The following MED26 variants were observed in gnomAD, a reference collection of about 807,000 sequenced individuals.
MED26 encodes mediator complex subunit 26.
A neutral mutation model predicts 43.7 loss-of-function variants in MED26; 7 were observed. The ratio of observed to expected loss-of-function variants is 0.16; its 90% confidence interval spans 0.09 to 0.30. The LOEUF is 0.30. Ranked by LOEUF, MED26 falls within the 10% of genes least tolerant of loss-of-function variation. The probability of loss-of-function intolerance (pLI) is 1.00; values close to 1 mark genes in which losing one functional copy is unlikely to be tolerated. For synonymous variants in MED26, 375 were observed against 371.1 expected (o/e 1.01, Z -0.12); for missense variants, 784 against 840.6 (o/e 0.93, Z 0.83).
intron 1 of MED26, among the ~76,000 whole-genome samples, chr19:16,582,256 G>A (rs1181228126): frequency 1.3e-5 from 2 of 152,194 alleles, no homozygotes; most frequent in Non-Finnish European, 2.9e-5. Flanking sequence ...GGGCATTGAT[G>A]TCAAGCAGTC....
At chr19:16,578,187 G>T in intron 2 of MED26, 148 bp downstream of exon 2, 2 of 761,980 alleles carry the variant, frequency 2.6e-6, no homozygotes, top group African/African-American at 1.8e-5. Context: ...GAGCAAGATC[G>T]CGAGGCACGA....
rs773759813 is a variant in MED26, at chr19:16,575,989, C to T, written c.*38G>A. The stretch of plus-strand genomic sequence containing the variant: ...ACCTGCCTGCCCGCCCACCCGGCTT[C>T]TGCAAGATGGGAATGCACTTTGTGG... On this transcript the variant is annotated 3_prime_UTR_variant, in exon 3 of 3. Transcript: ENST00000263390. 29 of 1,571,468 alleles carry T rather than the reference C, an allele frequency of 1.8e-5. No homozygotes were observed. The Admixed American group carries it at 3.6e-4, about 20-fold the overall frequency.
rs2086021295 is a variant in MED26 at position 16,577,974 on chromosome 19, T to G, written c.148-292A>C. On this transcript the variant is annotated intron_variant, in intron 2 of 2. Coordinates refer to ENST00000263390, the MANE Select transcript of MED26 (RefSeq NM_004831.5). The surrounding 1 kb of genome is among the most constrained non-coding windows in gnomAD (Gnocchi z 8.1). Reference sequence around the variant, plus strand: ...ACCATCAAGGCCACTGTAAGGACACTGCCAGAGAGGCTTCCTGGGTGAGAG... The same window carrying G: ...ACCATCAAGGCCACTGTAAGGACACGGCCAGAGAGGCTTCCTGGGTGAGAG... The G allele has an allele frequency of 2.1e-6, 1 of 473,420 alleles. No homozygotes were observed. The highest frequency in any genetic ancestry group is 2.0e-5 in the African/African-American group (1 of 49,480). The allele number at this position is 473,420 out of a possible 1,614,324, so 29.3% of individuals were successfully genotyped here. A position where few individuals can be genotyped will look rare whatever the true frequency, so the allele number is the denominator to read the frequency against.
intron 1 of MED26, among the ~76,000 whole-genome samples, chr19:16,579,568 T>C (rs1304594351): frequency 6.6e-6 from 1 of 152,130 alleles, no homozygotes; most frequent in Non-Finnish European, 1.5e-5. Context: ...CATTACTGAC[T>C]CCCTTAATTG....
At chr19:16,583,354 A>C (rs1288396361) in intron 1 of MED26, among the ~76,000 whole-genome samples, 1 of 152,258 alleles carries the variant, frequency 6.6e-6, no homozygotes, top group Non-Finnish European at 1.5e-5. Flanking sequence ...ACCCCTCAAT[A>C]GATGCAGATG....
chr19:16,626,524 G>C (rs1419757607), intron 1 of MED26, among the ~76,000 whole-genome samples: 1 of 152,150 alleles, frequency 6.6e-6, no homozygotes, highest in African/African-American at 2.4e-5. Flanking sequence ...AGGGATAAGA[G>C]AAGTACTTAT....
intron 1 of MED26, among the ~76,000 whole-genome samples, chr19:16,600,169 C>G (rs866052542): frequency 2.6e-5 from 4 of 152,096 alleles, no homozygotes; most frequent in Non-Finnish European, 5.9e-5. Context: ...CTCATCCCCC[C>G]GGGCCCTCCT....
rs59398856 is a variant in MED26 at position 16,582,633 on chromosome 19, G to C, written c.73-4224C>G. 1.8e-3 allele frequency among the ~76,000 whole-genome samples: 281 copies of C among 152,276 alleles called. 1 individual carries two copies. Among genetic ancestry groups the C allele is most frequent in the African/African-American group, 6.6e-3 (276 of 41,558 alleles). ...CAGGACTCGTATGTGGCTGAGGGGA[G>C]GCTCCCGCTCTGACTCCAGGCCTGC... is the stretch of plus-strand genomic sequence containing the variant. On this transcript the variant is annotated intron_variant, in intron 1 of 2. Transcript: ENST00000263390.
intron 1 of MED26, among the ~76,000 whole-genome samples, chr19:16,581,138 G>A (rs762113856): frequency 5.9e-5 from 9 of 152,126 alleles, no homozygotes; most frequent in East Asian, 3.9e-4. Context: ...AGCAGTCCCC[G>A]CAGAACTCCC....
intron 1 of MED26, among the ~76,000 whole-genome samples, chr19:16,614,580 C>T (rs1351663031): frequency 1.3e-5 from 2 of 151,998 alleles, no homozygotes; most frequent in East Asian, 3.9e-4. Context: ...AGTGTCTGCC[C>T]AGGCCTGGAG....
In MED26 at chr19:16,595,248, G is replaced by A. The variant is rs924793198; in HGVS notation, c.73-16839C>T. Among the ~76,000 whole-genome samples, 8 of 152,240 alleles carry A rather than the reference G, an allele frequency of 5.3e-5. No homozygotes were observed. The East Asian group carries it at 9.6e-4, about 18-fold the overall frequency. On this transcript the variant is annotated intron_variant, in intron 1 of 2. Coordinates refer to ENST00000263390, the MANE Select transcript of MED26 (RefSeq NM_004831.5). ...CTCAAACCCAACTCGTGACACGTGCGCACCTCTTTCCAGCTCTGTGACTGT... is the reference window on the plus strand; with the variant it reads ...CTCAAACCCAACTCGTGACACGTGCACACCTCTTTCCAGCTCTGTGACTGT...
chr19:16,616,310 G>A (rs1250303832), intron 1 of MED26, among the ~76,000 whole-genome samples: 1 of 152,166 alleles, frequency 6.6e-6, no homozygotes, highest in African/African-American at 2.4e-5. Flanking sequence ...AAGGTGAATG[G>A]CAGAGTCAAT....
intron 1 of MED26, among the ~76,000 whole-genome samples, chr19:16,609,132 T>G (rs1431224680): frequency 6.6e-6 from 1 of 151,582 alleles, no homozygotes; most frequent in Non-Finnish European, 1.5e-5. Context: ...CTGGCCAAAA[T>G]GCAGAAACCC....
chr19:16,577,421 G>A lies in MED26; in HGVS notation c.409C>T (p.Pro137Ser), dbSNP rs763934151. 1.3e-5 allele frequency: 21 copies of A among 1,601,064 alleles called. No individual in the cohort carries two copies. The Admixed American group carries it at 3.5e-4, about 27-fold the overall frequency. The change falls in exon 3 of 3, where the codon CCC becomes TCC. Residue 137 changes from proline to serine, a missense_variant. This residue lies in a region of MED26 where 719 missense variants were observed against 730.9 expected (regional missense o/e 0.98). Transcript: ENST00000263390. This position sits in a 1 kb window ranked among gnomAD's most constrained non-coding sequence, Gnocchi z 8.1. The stretch of plus-strand genomic sequence containing the variant: ...CCCAGCCTGTCCAGCCGCTGCCCGG[G>A]CAGCCTCTGGAGGTCATTGCGGCTC... ...LKSRNDLQRL[P>S]GQRLDRLGSR...
chr19:16,576,505 G>A lies in MED26; in HGVS notation c.1325C>T (p.Pro442Leu). Residue 442 changes from proline to leucine, a missense_variant, in exon 3 of 3, where the codon CCA becomes CTA. Physicochemically the swap from Pro to Leu is moderately conservative, Grantham distance 98. Transcript: ENST00000263390. The surrounding 1 kb of genome is among the most constrained non-coding windows in gnomAD (Gnocchi z 6.8). The stretch of plus-strand genomic sequence containing the variant: ...GTGCACAGGGCTGTCTGCCCGCACT[G>A]GCTCTTTCTGGGTCAGAGGTTTGAT... ...RQIKPLTQKEPVRADSPVHME... is the reference protein window; with the variant it reads ...RQIKPLTQKELVRADSPVHME... 6.2e-7 allele frequency: 1 copy of A among 1,614,178 alleles called. No individual in the cohort carries two copies.
intron 1 of MED26, among the ~76,000 whole-genome samples, chr19:16,615,602 TG>T (rs1398250269): frequency 2.6e-5 from 4 of 152,054 alleles, no homozygotes. Flanking sequence ...CAAAATTAGC[TG>T]GGTGTGGTGG....
At chr19:16,606,710 G>A (rs2086174982) in intron 1 of MED26, among the ~76,000 whole-genome samples, 1 of 152,192 alleles carries the variant, frequency 6.6e-6, no homozygotes, top group South Asian at 2.1e-4. Context: ...CAGCAACAGT[G>A]ACTGCCACCA....
chr19:16,581,911 C>T (rs75680024), intron 1 of MED26, among the ~76,000 whole-genome samples: 7,927 of 152,308 alleles, frequency 0.052, 285 homozygotes, highest in Non-Finnish European at 0.063. Context: ...AGCTGCTCAC[C>T]TGAGGAGTAG....
At chr19:16,622,381 A>G (rs1287089670) in intron 1 of MED26, among the ~76,000 whole-genome samples, 1 of 152,212 alleles carries the variant, frequency 6.6e-6, no homozygotes, top group East Asian at 1.9e-4. Context: ...CTCTACACCC[A>G]GCACACGAGC....
Sources: gnomAD v4.1 joint callset for allele counts (sites outside exome capture counted in the v4.1 genomes callset) on GRCh38, gnomAD v4.1.1 for gene constraint, gnomAD v4.1.1 regional missense constraint, Gnocchi (gnomAD v3.1) non-coding constraint, MANE v1.5 for transcripts, NCBI Gene and HGNC (gene_info 2026-07-23, HGNC 2026-07-21) for gene names.